The following TPPP variants were observed in gnomAD, a reference collection of about 807,000 sequenced individuals.
The protein encoded by TPPP is tubulin polymerization promoting protein, also known as tubulin polymerization-promoting protein.
A neutral mutation model predicts 15.5 loss-of-function variants in TPPP; 6 were observed. The observed-to-expected ratio is 0.39, with a 90% CI of 0.21 to 0.77. The LOEUF (loss-of-function observed/expected upper bound fraction) is 0.77, where lower values mean the gene tolerates loss of function less well. Ranked by LOEUF, TPPP falls within the 30% of genes least tolerant of loss-of-function variation. The pLI is 0.42. For missense variants in TPPP, 269 were observed against 307.2 expected (o/e 0.88, Z 0.93); for synonymous variants, 146 against 133.9 (o/e 1.09, Z -0.63).
At chr5:670,518 C>T (rs2126881512) in intron 2 of TPPP, among the ~76,000 whole-genome samples, 1 of 152,184 alleles carries the variant, frequency 6.6e-6, no homozygotes, top group African/African-American at 2.4e-5. Context: ...GCCCCTGAGA[C>T]CTGAGGAGGC....
rs1226705468 is a variant in TPPP at position 666,010 on chromosome 5, C to CT, written c.424dup (p.Arg142LysfsTer152). On this transcript the variant is annotated frameshift_variant, in exon 3 of 4. Coordinates refer to ENST00000360578, the MANE Select transcript of TPPP (RefSeq NM_007030.3). LOFTEE classifies it high-confidence loss of function. ...GATGGGCGCCTTGCCCTCGATGAGC[C>CT]TGTGCACCTCGCGAACGGCCTCCTC... is the stretch of plus-strand genomic sequence containing the variant. The CT allele has an allele frequency of 6.2e-7, 1 of 1,608,350 alleles. No homozygotes were observed.
intron 1 of TPPP, chr5:692,544 A>T: frequency 1.0e-6 from 1 of 972,554 alleles, no homozygotes; most frequent in Non-Finnish European, 1.2e-6. Flanking sequence ...ACTGCCCGGG[A>T]GGGACAGGCT....
At chr5:685,899 A>T (rs1347010226) in intron 1 of TPPP, among the ~76,000 whole-genome samples, 2 of 152,098 alleles carry the variant, frequency 1.3e-5, no homozygotes, top group East Asian at 1.9e-4. Flanking sequence ...AGGTGGGAGG[A>T]TGGAACATTC....
At position 675,649 on chromosome 5, in the gene TPPP, G is replaced by A. The variant is rs376290914; in HGVS notation, c.311+2101C>T. Among the ~76,000 whole-genome samples the A allele has an allele frequency of 1.8e-4, 28 of 151,984 alleles. No homozygotes were observed. In the East Asian group the frequency reaches 4.4e-3, roughly 24 times the overall value. On this transcript the variant is annotated intron_variant, in intron 2 of 3. Coordinates refer to ENST00000360578, the MANE Select transcript of TPPP (RefSeq NM_007030.3). ...GTGCCAGAGGTGCAGGCTGTTGGAC[G>A]GACCCTCGAGGGCTGAGCCCCAGCC...
In TPPP at chr5:671,745, G is replaced by T. The variant is rs1465264653; in HGVS notation, c.312-5622C>A. Among the ~76,000 whole-genome samples, 4 of 152,208 alleles carry T rather than the reference G, an allele frequency of 2.6e-5. No individual in the cohort carries two copies. In the East Asian group the frequency reaches 7.7e-4, roughly 29 times the overall value. On this transcript the variant is annotated intron_variant, in intron 2 of 3. Transcript: ENST00000360578. ...ACTCTGCGGAAGCCACGTTCATCCT[G>T]CCCTGCCAGGCGTGGCCACTAGAGG...
intron 1 of TPPP, among the ~76,000 whole-genome samples, chr5:682,063 G>A (rs1361746194): frequency 6.6e-6 from 1 of 151,114 alleles, no homozygotes; most frequent in Non-Finnish European, 1.5e-5. Context: ...TGAATCTCCT[G>A]GGAAACGCCT....
At chr5:675,650 G>T (rs1740407094) in intron 2 of TPPP, among the ~76,000 whole-genome samples, 1 of 152,038 alleles carries the variant, frequency 6.6e-6, no homozygotes, top group South Asian at 2.1e-4. Context: ...CTGTTGGACG[G>T]ACCCTCGAGG....
At position 668,411 on chromosome 5, in the gene TPPP, C is replaced by CT. The variant is rs1441251206; in HGVS notation, c.312-2289_312-2288insA. On this transcript the variant is annotated intron_variant, in intron 2 of 3. Transcript: ENST00000360578. ...CGTCAGGGAAGTACCGACAAGCACA[C>CT]AGAGAGGGGGCCGCGTGGGCGCCGT... Among the ~76,000 whole-genome samples, 19 of 103,754 alleles carry CT rather than the reference C, an allele frequency of 1.8e-4. 5 individuals are homozygous for CT. Among genetic ancestry groups the CT allele is most frequent in the African/African-American group, 8.0e-4 (15 of 18,788 alleles). The allele number at this position is 103,754 out of a possible 152,430, so 68.1% of individuals were successfully genotyped here. A position where few individuals can be genotyped will look rare whatever the true frequency, so the allele number is the denominator to read the frequency against.
Position 670,181 on chromosome 5 carries a change from A to G in TPPP, c.312-4058T>C, listed in dbSNP as rs555481072. Reference sequence around the variant, plus strand: ...GGCCAGGACAGCCCTCCGAGGACTGAGGCCTGTTCCTCCGGGGCGGACGTC... The same window carrying G: ...GGCCAGGACAGCCCTCCGAGGACTGGGGCCTGTTCCTCCGGGGCGGACGTC... On this transcript the variant is annotated intron_variant, in intron 2 of 3. Coordinates refer to ENST00000360578, the MANE Select transcript of TPPP (RefSeq NM_007030.3). 3.3e-4 allele frequency among the ~76,000 whole-genome samples: 51 copies of G among 152,266 alleles called. No homozygotes were observed. The East Asian group carries it at 8.7e-3, about 26-fold the overall frequency.
At chr5:681,568 G>C (rs1463711625) in intron 1 of TPPP, among the ~76,000 whole-genome samples, 1 of 152,180 alleles carries the variant, frequency 6.6e-6, no homozygotes, top group Non-Finnish European at 1.5e-5. Flanking sequence ...GCCCTGACCT[G>C]ACCCAGGTGT....
Position 664,792 on chromosome 5 carries a change from G to A in TPPP, c.*310C>T, listed in dbSNP as rs996080470. 3.2e-5 allele frequency: 10 copies of A among 312,194 alleles called. No individual in the cohort carries two copies. The Admixed American group carries it at 3.8e-4, about 12-fold the overall frequency. 19.3% of individuals were successfully genotyped at this position (312,194 alleles called of 1,614,324 possible). On this transcript the variant is annotated 3_prime_UTR_variant, in exon 4 of 4. Coordinates refer to ENST00000360578, the MANE Select transcript of TPPP (RefSeq NM_007030.3). Reference sequence around the variant, plus strand: ...CCATGACAGCCAGCTGCTTTAAAACGCCCCTTTGACCTGCAAACCACGTGC... The same window carrying A: ...CCATGACAGCCAGCTGCTTTAAAACACCCCTTTGACCTGCAAACCACGTGC...
At position 683,171 on chromosome 5, in the gene TPPP, G is replaced by T. The variant is rs1277703425; in HGVS notation, c.-4-5107C>A. Reference sequence around the variant, plus strand: ...GCTCGCAGGCAAGTGCCCATGGTAGGACAGCTGCTTGTGCCTCAGTCTCCT... The same window carrying T: ...GCTCGCAGGCAAGTGCCCATGGTAGTACAGCTGCTTGTGCCTCAGTCTCCT... On this transcript the variant is annotated intron_variant, in intron 1 of 3. Coordinates refer to ENST00000360578, the MANE Select transcript of TPPP (RefSeq NM_007030.3). 3.3e-5 allele frequency among the ~76,000 whole-genome samples: 5 copies of T among 152,304 alleles called. No individual in the cohort carries two copies. In the South Asian group the frequency reaches 6.2e-4, roughly 19 times the overall value.
upstream of TPPP, among the ~76,000 whole-genome samples, chr5:694,297 A>G (rs111604105): frequency 2.7e-5 from 4 of 150,148 alleles, no homozygotes. Flanking sequence ...CTTGAGGGGC[A>G]TAGGGGCACC....
chr5:674,034 T>C (rs1180066545), intron 2 of TPPP, among the ~76,000 whole-genome samples: 3 of 152,192 alleles, frequency 2.0e-5, no homozygotes, highest in Non-Finnish European at 4.4e-5. Context: ...GCACTGCACT[T>C]GGTGTGTCCG....
chr5:666,581 G>A (rs1350756599), intron 2 of TPPP, among the ~76,000 whole-genome samples: 2 of 152,198 alleles, frequency 1.3e-5, no homozygotes, highest in South Asian at 2.1e-4. Context: ...CCGGACACTT[G>A]GCAGCATGGG....
chr5:671,265 G>A (rs995399288), intron 2 of TPPP, among the ~76,000 whole-genome samples: 13 of 152,262 alleles, frequency 8.5e-5, no homozygotes, highest in South Asian at 6.2e-4. Context: ...GGGGTGGGGC[G>A]TGTGTAGTCA....
At chr5:675,384 G>GC (rs1740385760) in intron 2 of TPPP, among the ~76,000 whole-genome samples, 2 of 110,810 alleles carry the variant, frequency 1.8e-5, no homozygotes, top group Non-Finnish European at 3.9e-5. Flanking sequence ...GGGGTGCAGC[G>GC]CAGAGGGTGC....
chr5:700,222 A>G, the TPPP span, among the ~76,000 whole-genome samples: 1 of 152,036 alleles, frequency 6.6e-6, no homozygotes, highest in Non-Finnish European at 1.5e-5. Context: ...CTGGTTAAAG[A>G]AAATGTAGCA....
intron 1 of TPPP, among the ~76,000 whole-genome samples, chr5:679,393 G>T (rs375887574): frequency 5.0e-5 from 6 of 119,520 alleles, no homozygotes; most frequent in Non-Finnish European, 9.3e-5. Flanking sequence ...GGGCTGGGCC[G>T]CGTGGGGGCA....
Sources: gnomAD v4.1 joint callset for allele counts (sites outside exome capture counted in the v4.1 genomes callset) on GRCh38, gnomAD v4.1.1 for gene constraint, MANE v1.5 for transcripts, NCBI Gene and HGNC (gene_info 2026-07-23, HGNC 2026-07-21) for gene names.